Variants in CNGB3 observed in about 807,000 individuals in gnomAD.
CNGB3 encodes cyclic nucleotide gated channel subunit beta 3.
A neutral mutation model predicts 92.8 loss-of-function variants in CNGB3; 86 were observed. The ratio of observed to expected loss-of-function variants is 0.93; its 90% CI spans 0.78 to 1.11. The LOEUF is 1.11. CNGB3 is among the 50% of genes least tolerant of loss of function. CNGB3 has a pLI of 0.00. For missense variants in CNGB3, 1,026 were observed against 956.8 expected, an observed-to-expected ratio of 1.07 and a Z score of -0.95; for synonymous variants, 333 against 332.7, an observed-to-expected ratio of 1.00 and a Z score of -0.01.
In CNGB3 at chr8:86,579,173, TG is replaced by T; in HGVS notation, c.1860del (p.Asp620GlufsTer9). On this transcript the variant is annotated frameshift_variant, in exon 16 of 18. Transcript: ENST00000320005. LOFTEE classifies it high-confidence loss of function. Reference sequence around the variant, plus strand: ...ACTAGAATTTCTTGGAGGGTCTTTTTGTCTAGAGTTAAAAGATTGGCAAACC... The same window carrying T: ...ACTAGAATTTCTTGGAGGGTCTTTTTTCTAGAGTTAAAAGATTGGCAAACC... ...AHGFANLLTL[D>X]KKTLQEILVH... The T allele has an allele frequency of 6.2e-7, 1 of 1,614,198 alleles. No homozygotes were observed. Among genetic ancestry groups the T allele is most frequent in the Non-Finnish European group, 8.5e-7 (1 of 1,180,024 alleles).
chr8:86,695,091 T>C (rs978567996), intron 3 of CNGB3, among the ~76,000 whole-genome samples: 1 of 152,200 alleles, frequency 6.6e-6, no homozygotes, highest in Non-Finnish European at 1.5e-5. Context: ...GGTAAGGAGC[T>C]GGAGACCAGC....
intron 15 of CNGB3, among the ~76,000 whole-genome samples, chr8:86,579,695 G>A (rs1347313971): frequency 6.6e-6 from 1 of 152,212 alleles, no homozygotes; most frequent in Non-Finnish European, 1.5e-5. Context: ...TCAGAAAGCA[G>A]GAAGAGAGTG....
At chr8:86,581,623 T>C (rs1036481049) in intron 15 of CNGB3, among the ~76,000 whole-genome samples, 5 of 152,178 alleles carry the variant, frequency 3.3e-5, no homozygotes, top group African/African-American at 1.2e-4. Context: ...TCCTGTCTTA[T>C]CTAAGGGAGA....
At chr8:86,599,003 G>T (rs1265574969) in intron 15 of CNGB3, among the ~76,000 whole-genome samples, 3 of 152,134 alleles carry the variant, frequency 2.0e-5, no homozygotes, top group Non-Finnish European at 2.9e-5. Flanking sequence ...CTCAGTAGGG[G>T]TTTATAGGAC....
intron 6 of CNGB3, chr8:86,659,227 C>T (rs1823581838): frequency 1.3e-6 from 1 of 741,432 alleles, no homozygotes; most frequent in African/African-American, 1.7e-5. Flanking sequence ...GCCCTCCCTC[C>T]TTTCAGATTT....
intron 3 of CNGB3, among the ~76,000 whole-genome samples, chr8:86,695,928 G>GCCAC (rs1331835709): frequency 6.6e-6 from 1 of 152,024 alleles, no homozygotes; most frequent in Non-Finnish European, 1.5e-5. Flanking sequence ...TCTGAATCCA[G>GCCAC]CCACCCAGTA....
At chr8:86,694,747 C>T (rs1033146928) in intron 3 of CNGB3, among the ~76,000 whole-genome samples, 10 of 151,598 alleles carry the variant, frequency 6.6e-5, no homozygotes, top group Admixed American at 2.0e-4. Flanking sequence ...GGGATGGCGG[C>T]GGGGAAGAGG....
chr8:86,626,593 A>C lies in CNGB3; in HGVS notation c.1481-513T>G, dbSNP rs532170918. 1.1e-4 allele frequency among the ~76,000 whole-genome samples: 16 copies of C among 152,308 alleles called. 1 individual carries two copies. The South Asian group carries it at 2.7e-3, about 26-fold the overall frequency. On this transcript the variant is annotated intron_variant, in intron 12 of 17. Coordinates refer to ENST00000320005, the MANE Select transcript of CNGB3 (RefSeq NM_019098.5). ...CATTCCTACTTTGCAGAAAGAAGAA[A>C]AACAAAAAGGACTGAAGCCCTGAGA...
intron 13 of CNGB3, among the ~76,000 whole-genome samples, chr8:86,623,162 T>G (rs2131578163): frequency 6.6e-6 from 1 of 152,296 alleles, no homozygotes; most frequent in Admixed American, 6.5e-5. Context: ...GTCCTTTGGC[T>G]TGAAATACAC....
At chr8:86,621,581 T>C (rs1373038245) in intron 13 of CNGB3, among the ~76,000 whole-genome samples, 1 of 152,180 alleles carries the variant, frequency 6.6e-6, no homozygotes, top group Non-Finnish European at 1.5e-5. Flanking sequence ...ACCGAAGCAG[T>C]GTACCCACTG....
intron 15 of CNGB3, among the ~76,000 whole-genome samples, chr8:86,593,332 GA>G (rs1226424926): frequency 6.6e-6 from 1 of 152,140 alleles, no homozygotes; most frequent in Non-Finnish European, 1.5e-5. Context: ...GAGTTTCCCA[GA>G]AGAATACTTA....
intron 10 of CNGB3, among the ~76,000 whole-genome samples, chr8:86,635,672 T>C (rs993787639): frequency 4.6e-5 from 7 of 151,588 alleles, no homozygotes; most frequent in African/African-American, 1.7e-4. Flanking sequence ...CTTATGGATT[T>C]CCTAAGATTA....
chr8:86,743,610 T>C lies in CNGB3; in HGVS notation c.18A>G (p.Thr6=). Residue 6 remains threonine, a synonymous_variant, in exon 1 of 18, where the codon ACA becomes ACG. Coordinates refer to ENST00000320005, the MANE Select transcript of CNGB3 (RefSeq NM_019098.5). ...CTATAGGCTTCACCTTGTTGACTTT[T>C]GTCAGCGATTTAAACATCTTCTCTG... The part of the protein sequence containing the change: MFKSL[T]KVNKVKPIGE... The C allele has an allele frequency of 1.2e-6, 2 of 1,614,032 alleles. No individual in the cohort carries two copies. The highest frequency in any genetic ancestry group is 2.2e-5 in the East Asian group (1 of 44,864).
intron 15 of CNGB3, 96 bp downstream of exon 15, chr8:86,603,997 T>C (rs1822362491): frequency 1.2e-6 from 1 of 824,008 alleles, no homozygotes; most frequent in South Asian, 1.4e-5. Context: ...CAATCAAACC[T>C]TTGATAAATC....
At chr8:86,593,172 C>T (rs533595640) in intron 15 of CNGB3, among the ~76,000 whole-genome samples, 12 of 152,278 alleles carry the variant, frequency 7.9e-5, no homozygotes, top group African/African-American at 2.9e-4. Context: ...AGTCCCTTTT[C>T]CCCTTAGCAG....
At chr8:86,623,629 A>C (rs1822786349) in intron 13 of CNGB3, among the ~76,000 whole-genome samples, 1 of 152,204 alleles carries the variant, frequency 6.6e-6, no homozygotes. Context: ...ACATGTCTTC[A>C]TGCTGTTGCA....
intron 3 of CNGB3, among the ~76,000 whole-genome samples, chr8:86,720,971 T>A (rs7825779): frequency 0.3 from 45,124 of 150,638 alleles, 7,233 homozygotes; most frequent in African/African-American, 0.4. Context: ...TAATAATAAT[T>A]ATTATTATTT....
At chr8:86,611,840 A>G (rs1822528882) in intron 13 of CNGB3, among the ~76,000 whole-genome samples, 169 bp from the exon 14 acceptor site, 2 of 152,116 alleles carry the variant, frequency 1.3e-5, no homozygotes, top group South Asian at 4.1e-4. Context: ...GAAAAAAAAT[A>G]CCTATAGTAT....
At chr8:86,587,348 C>G (rs566311086) in intron 15 of CNGB3, among the ~76,000 whole-genome samples, 1,926 of 152,204 alleles carry the variant, frequency 0.013, 45 homozygotes, top group African/African-American at 0.043. Context: ...TTAATTAGAT[C>G]CCATTTGTCA....
Sources: allele counts gnomAD v4.1 joint callset (sites outside exome capture counted in the v4.1 genomes callset), GRCh38; gene constraint gnomAD v4.1.1; transcripts MANE v1.5; gene names NCBI Gene and HGNC (gene_info 2026-07-23, HGNC 2026-07-21).